Variants in RAP1GAP2 observed in about 807,000 individuals in gnomAD.
RAP1GAP2 encodes rap1 GTPase-activating protein 2.
RAP1GAP2 carries 27 observed loss-of-function variants against 95.0 expected under a neutral mutation model. The ratio of observed to expected loss-of-function variants is 0.28; its 90% CI spans 0.21 to 0.39. The LOEUF is 0.39. RAP1GAP2 is among the 10% of genes least tolerant of loss of function. The pLI, the probability that RAP1GAP2 is intolerant of heterozygous loss-of-function variation, is 1.00. For synonymous variants in RAP1GAP2, 373 were observed against 380.9 expected (o/e 0.98, Z 0.24); for missense variants, 771 against 970.0 (o/e 0.79, Z 2.72).
At chr17:2,922,750 T>C (rs1269661335) in intron 3 of RAP1GAP2, among the ~76,000 whole-genome samples, 4 of 152,188 alleles carry the variant, frequency 2.6e-5, no homozygotes, top group African/African-American at 4.8e-5. Context: ...ACAATAGGTT[T>C]TCAGTGAATC....
At position 2,847,805 on chromosome 17, in the gene RAP1GAP2, G is replaced by A. The variant is rs142185992; in HGVS notation, c.80+47255G>A. ...TGTGCTGTAGGCCACCCAGCCCTCA[G>A]CCTCATCCGCTCCTGATTCTCTGTA... On this transcript the variant is annotated intron_variant, in intron 2 of 24. Transcript: ENST00000254695. Among the ~76,000 whole-genome samples, 652 of 152,190 alleles carry A rather than the reference G, an allele frequency of 4.3e-3. 3 individuals carry two copies. The highest frequency in any genetic ancestry group is 0.015 in the African/African-American group (621 of 41,532).
intron 2 of RAP1GAP2, among the ~76,000 whole-genome samples, chr17:2,876,054 C>T (rs113095468): frequency 1.1e-4 from 16 of 151,984 alleles, no homozygotes; most frequent in African/African-American, 3.9e-4. Context: ...TCTCCTGCCT[C>T]AGCCTCCCGA....
chr17:2,822,190 C>T (rs1318016392), intron 2 of RAP1GAP2, among the ~76,000 whole-genome samples: 4 of 152,290 alleles, frequency 2.6e-5, no homozygotes, highest in Non-Finnish European at 5.9e-5. Flanking sequence ...CACGCACACA[C>T]ACACACAGGT....
chr17:2,774,403 T>C (rs1264214023), upstream of RAP1GAP2, among the ~76,000 whole-genome samples: 1 of 151,704 alleles, frequency 6.6e-6, no homozygotes, highest in Non-Finnish European at 1.5e-5. Flanking sequence ...CTTGAACAGC[T>C]GAGCAGTTGT....
chr17:3,020,547 C>G lies in RAP1GAP2; in HGVS notation c.1703C>G (p.Pro568Arg), dbSNP rs751434439. The G allele has an allele frequency of 1.2e-6, 2 of 1,613,924 alleles. No homozygotes were observed. The highest frequency in any genetic ancestry group is 4.5e-5 in the East Asian group (2 of 44,868). The change falls in exon 19 of 25, where the codon CCC becomes CGC. Residue 568 changes from proline (P) to arginine (R), a missense_variant. Physicochemically the swap from Pro to Arg is moderately radical, Grantham distance 103 (BLOSUM62 -2). Coordinates refer to ENST00000254695, the MANE Select transcript of RAP1GAP2 (RefSeq NM_015085.5). ...ATCAAGCGACGCTCGGGGCTCTTCC[C>G]CCGCCTGCACACGGGCTCAGAAGGC... Reference protein sequence around the residue: ...SPIKRRSGLFPRLHTGSEGQG... With the variant: ...SPIKRRSGLFRRLHTGSEGQG...
intron 2 of RAP1GAP2, among the ~76,000 whole-genome samples, chr17:2,847,940 G>A (rs759163890): frequency 6.6e-6 from 1 of 152,206 alleles, no homozygotes; most frequent in Non-Finnish European, 1.5e-5. Context: ...AATTACTGTA[G>A]TCATGCAGCT....
At chr17:2,846,534 C>T (rs573986249) in intron 2 of RAP1GAP2, among the ~76,000 whole-genome samples, 1 of 152,170 alleles carries the variant, frequency 6.6e-6, no homozygotes, top group South Asian at 2.1e-4. Context: ...CCTTAGCCTC[C>T]CGAGTAGCTG....
At chr17:2,830,410 C>T (rs2070772561) in intron 2 of RAP1GAP2, among the ~76,000 whole-genome samples, 1 of 150,814 alleles carries the variant, frequency 6.6e-6, no homozygotes, top group South Asian at 2.1e-4. Context: ...GAGGAAAACT[C>T]CGTCTCAAAA....
intron 2 of RAP1GAP2, among the ~76,000 whole-genome samples, chr17:2,860,181 C>T (rs963958435): frequency 1.3e-5 from 2 of 152,110 alleles, no homozygotes; most frequent in Non-Finnish European, 2.9e-5. Flanking sequence ...GGAGCCGATC[C>T]ACTCCCTGGT....
At chr17:2,885,810 G>A (rs2073474865) in intron 2 of RAP1GAP2, among the ~76,000 whole-genome samples, 1 of 152,246 alleles carries the variant, frequency 6.6e-6, no homozygotes, top group Non-Finnish European at 1.5e-5. Flanking sequence ...GCTGCCTGGC[G>A]AGGCCACCCT....
intron 2 of RAP1GAP2, among the ~76,000 whole-genome samples, chr17:2,844,472 T>A (rs963277529): frequency 6.6e-6 from 1 of 152,148 alleles, no homozygotes; most frequent in Non-Finnish European, 1.5e-5. Context: ...GGAAGGATTT[T>A]CCTTATGGAA....
At chr17:2,786,803 G>T (rs2068789533) in intron 1 of RAP1GAP2, among the ~76,000 whole-genome samples, 1 of 151,656 alleles carries the variant, frequency 6.6e-6, no homozygotes, top group South Asian at 2.1e-4. Flanking sequence ...GTGCCACCAT[G>T]CCCGGCTAAT....
chr17:2,920,672 G>A (rs564671944), intron 3 of RAP1GAP2, among the ~76,000 whole-genome samples: 3 of 152,360 alleles, frequency 2.0e-5, no homozygotes, highest in East Asian at 3.9e-4. Flanking sequence ...CGAGGGCTTC[G>A]TCAAGTGCCA....
chr17:2,933,114 A>T (rs1404712742), intron 3 of RAP1GAP2, among the ~76,000 whole-genome samples: 1 of 152,216 alleles, frequency 6.6e-6, no homozygotes, highest in Non-Finnish European at 1.5e-5. Context: ...GACAGTGGGC[A>T]GGAGAGGGCG....
intron 2 of RAP1GAP2, among the ~76,000 whole-genome samples, chr17:2,833,262 C>T (rs1194129609): frequency 3.3e-5 from 5 of 150,900 alleles, no homozygotes; most frequent in Admixed American, 2.6e-4. Flanking sequence ...CCTGCCTCAG[C>T]CTCCCGGGTA....
At chr17:3,030,194 A>ACACACACACACACACACACACT (rs2047249098) in intron 22 of RAP1GAP2, among the ~76,000 whole-genome samples, 2 of 150,232 alleles carry the variant, frequency 1.3e-5, no homozygotes, top group African/African-American at 2.4e-5. Flanking sequence ...ACACACACAC[A>ACACACACACACACACACACACT]CACTCACTCT....
chr17:2,881,658 G>T (rs779713668), intron 2 of RAP1GAP2, among the ~76,000 whole-genome samples: 2 of 152,088 alleles, frequency 1.3e-5, no homozygotes, highest in Non-Finnish European at 2.9e-5. Flanking sequence ...GGAATTGCTG[G>T]GTCATATGGT....
At chr17:2,760,987 T>C (rs1230024223) in intron 1 of RAP1GAP2, among the ~76,000 whole-genome samples, 1 of 152,036 alleles carries the variant, frequency 6.6e-6, no homozygotes, top group Admixed American at 6.6e-5. Context: ...ACAGTTTCAC[T>C]CTTGTTGTCC....
At position 2,854,229 on chromosome 17, in the gene RAP1GAP2, C is replaced by T. The variant is rs1040887681; in HGVS notation, c.81-51055C>T. 10 of 868,860 alleles carry T rather than the reference C, an allele frequency of 1.2e-5. No homozygotes were observed. In the African/African-American group the frequency reaches 1.6e-4, roughly 14 times the overall value. 53.8% of individuals were successfully genotyped at this position (868,860 alleles called of 1,614,324 possible). On this transcript the variant is annotated intron_variant, in intron 2 of 24. Transcript: ENST00000254695. Reference sequence around the variant, plus strand: ...AGAAAAAAGCCTCCTCTCCAGGTACCGTCGTGCGAACCGAGTTCGGAGCTT... The same window carrying T: ...AGAAAAAAGCCTCCTCTCCAGGTACTGTCGTGCGAACCGAGTTCGGAGCTT...
Sources: gnomAD v4.1 joint callset for allele counts (sites outside exome capture counted in the v4.1 genomes callset) on GRCh38, gnomAD v4.1.1 for gene constraint, MANE v1.5 for transcripts, NCBI Gene and HGNC (gene_info 2026-07-23, HGNC 2026-07-21) for gene names.